Variants in GULP1 observed in about 807,000 individuals in gnomAD.
GULP1 encodes the protein PTB domain-containing engulfment adapter protein 1.
A neutral mutation model predicts 40.9 loss-of-function variants in GULP1; 19 were observed. That is an observed-to-expected ratio of 0.46 (90% CI 0.32 to 0.68). GULP1 has a LOEUF of 0.68. Ranked by LOEUF, GULP1 falls within the 30% of genes least tolerant of loss-of-function variation. The pLI, the probability that GULP1 is intolerant of heterozygous loss-of-function variation, is 0.03. For missense variants in GULP1, 312 were observed against 362.2 expected, an observed-to-expected ratio of 0.86 and a Z score of 1.12; for synonymous variants, 119 against 117.6, an observed-to-expected ratio of 1.01 and a Z score of -0.08.
At chr2:188,302,810 G>T (rs540875743) in intron 1 of GULP1, among the ~76,000 whole-genome samples, 1 of 152,168 alleles carries the variant, frequency 6.6e-6, no homozygotes, top group East Asian at 1.9e-4. Flanking sequence ...TCTAATGAGG[G>T]TCCTCACCTT....
At chr2:188,324,231 A>G (rs923415493) in intron 1 of GULP1, among the ~76,000 whole-genome samples, 3 of 151,914 alleles carry the variant, frequency 2.0e-5, no homozygotes, top group East Asian at 3.9e-4. Context: ...TACTCTGACC[A>G]CTCTTCTTGT....
intron 3 of GULP1, among the ~76,000 whole-genome samples, chr2:188,483,222 A>G (rs1431684931): frequency 6.6e-6 from 1 of 152,090 alleles, no homozygotes; most frequent in Non-Finnish European, 1.5e-5. Context: ...CTTTAAAAAG[A>G]AAAGCTAGGG....
At chr2:188,559,040 C>A (rs1347590566) in intron 7 of GULP1, among the ~76,000 whole-genome samples, 3 of 152,146 alleles carry the variant, frequency 2.0e-5, no homozygotes, top group Admixed American at 6.5e-5. Flanking sequence ...TCAAGAGCAG[C>A]TACAGAAATT....
At chr2:188,455,062 T>C (rs1164877975) in intron 2 of GULP1, among the ~76,000 whole-genome samples, 1 of 151,820 alleles carries the variant, frequency 6.6e-6, no homozygotes, top group African/African-American at 2.4e-5. Flanking sequence ...AGCCTAGGAG[T>C]TTGAGGTTGC....
At chr2:188,321,315 A>T (rs2106594623) in intron 1 of GULP1, among the ~76,000 whole-genome samples, 1 of 152,270 alleles carries the variant, frequency 6.6e-6, no homozygotes, top group African/African-American at 2.4e-5. Context: ...TATGTAAACC[A>T]ATTTCAAAAG....
intron 6 of GULP1, among the ~76,000 whole-genome samples, chr2:188,539,870 C>T (rs972480520): frequency 4.6e-5 from 7 of 152,044 alleles, no homozygotes; most frequent in Non-Finnish European, 1.0e-4. Flanking sequence ...GTTTTCATAT[C>T]AATGATTCTT....
chr2:188,296,272 G>A (rs920072869), intron 1 of GULP1, among the ~76,000 whole-genome samples: 3 of 152,072 alleles, frequency 2.0e-5, no homozygotes, highest in South Asian at 4.1e-4. Flanking sequence ...CTGGGGATAT[G>A]AAATTGAAAT....
At chr2:188,299,752 G>A (rs558938616) in intron 1 of GULP1, among the ~76,000 whole-genome samples, 7 of 152,172 alleles carry the variant, frequency 4.6e-5, no homozygotes, top group Non-Finnish European at 1.0e-4. Context: ...TGGGGAAAGC[G>A]GGTATTCACC....
At chr2:188,401,204 A>G (rs2052236580) in intron 2 of GULP1, among the ~76,000 whole-genome samples, 1 of 152,132 alleles carries the variant, frequency 6.6e-6, no homozygotes, top group Admixed American at 6.5e-5. Context: ...TATTATGCGG[A>G]ATTAAATAAT....
chr2:188,468,724 A>G (rs1215355810), intron 2 of GULP1, among the ~76,000 whole-genome samples: 1 of 152,180 alleles, frequency 6.6e-6, no homozygotes, highest in African/African-American at 2.4e-5. Context: ...GATTGGGGTT[A>G]GTTGCCAGAA....
chr2:188,583,498 TC>T (rs1253230814), intron 9 of GULP1, among the ~76,000 whole-genome samples: 2 of 152,194 alleles, frequency 1.3e-5, no homozygotes, highest in Non-Finnish European at 2.9e-5. Context: ...TACATATTGT[TC>T]CCTGTTTTAC....
At chr2:188,376,304 C>T (rs1318917826) in intron 1 of GULP1, among the ~76,000 whole-genome samples, 1 of 152,212 alleles carries the variant, frequency 6.6e-6, no homozygotes, top group African/African-American at 2.4e-5. Flanking sequence ...TAATGACTTA[C>T]TTGCTTTAAT....
intron 2 of GULP1, among the ~76,000 whole-genome samples, chr2:188,399,740 G>A (rs2051922410): frequency 9.3e-6 from 1 of 107,416 alleles, no homozygotes; most frequent in Non-Finnish European, 1.9e-5. Context: ...ACAATAAAAT[G>A]TCATATAATA....
At chr2:188,539,925 A>G (rs911125074) in intron 6 of GULP1, among the ~76,000 whole-genome samples, 1 of 152,094 alleles carries the variant, frequency 6.6e-6, no homozygotes, top group Admixed American at 6.5e-5. Context: ...TGAGGTAAAA[A>G]CAGTGTAAAT....
intron 4 of GULP1, among the ~76,000 whole-genome samples, chr2:188,497,098 T>C (rs991104124): frequency 1.3e-5 from 2 of 151,960 alleles, no homozygotes; most frequent in Non-Finnish European, 2.9e-5. Flanking sequence ...CTAACAGTAA[T>C]CAATGAGTTA....
chr2:188,307,760 C>A (rs1348529078), intron 1 of GULP1, among the ~76,000 whole-genome samples: 1 of 152,130 alleles, frequency 6.6e-6, no homozygotes, highest in African/African-American at 2.4e-5. Flanking sequence ...ACATAATATG[C>A]TGTGGTGTAT....
chr2:188,562,072 C>A (rs549985040), intron 7 of GULP1, among the ~76,000 whole-genome samples: 2 of 152,312 alleles, frequency 1.3e-5, no homozygotes, highest in East Asian at 1.9e-4. Context: ...TCCCTAATGC[C>A]TCAGCCTCAG....
chr2:188,537,503 T>A (rs1245908859), intron 6 of GULP1, among the ~76,000 whole-genome samples: 1 of 152,164 alleles, frequency 6.6e-6, no homozygotes, highest in Non-Finnish European at 1.5e-5. Context: ...TTCGCATACG[T>A]TGAACAAACC....
At chr2:188,555,089 C>T (rs893783276) in intron 7 of GULP1, among the ~76,000 whole-genome samples, 3 of 152,024 alleles carry the variant, frequency 2.0e-5, no homozygotes, top group South Asian at 2.1e-4. Context: ...TTTAAAAAAT[C>T]AATTCATTCA....
Sources: allele counts gnomAD v4.1 joint callset (sites outside exome capture counted in the v4.1 genomes callset), GRCh38; gene constraint gnomAD v4.1.1; transcripts MANE v1.5; gene names NCBI Gene and HGNC (gene_info 2026-07-23, HGNC 2026-07-21).